Variants in CACNA2D1 observed in about 807,000 individuals in gnomAD.
CACNA2D1 encodes the protein voltage-dependent calcium channel subunit alpha-2/delta-1.
In CACNA2D1, 53 loss-of-function variants were observed where a neutral mutation model predicts 171.5. That is an observed-to-expected ratio of 0.31 (90% CI 0.25 to 0.39). The LOEUF is 0.39. Among genes scored for constraint, CACNA2D1 ranks in the 10% least tolerant of loss-of-function variants. The pLI, the probability that CACNA2D1 is intolerant of heterozygous loss-of-function variation, is 1.00. For missense variants in CACNA2D1, 903 were observed against 1,299.8 expected, an observed-to-expected ratio of 0.69 and a Z score of 4.69; for synonymous variants, 442 against 443.1, an observed-to-expected ratio of 1.00 and a Z score of 0.03.
intron 38 of CACNA2D1, among the ~76,000 whole-genome samples, chr7:81,956,131 T>C (rs982230626): frequency 6.6e-6 from 1 of 150,944 alleles, no homozygotes; most frequent in East Asian, 2.0e-4. Flanking sequence ...GGGACCACCA[T>C]GCCCAGCTAA....
intron 4 of CACNA2D1, among the ~76,000 whole-genome samples, chr7:82,168,387 AC>A (rs1476049837): frequency 6.6e-6 from 1 of 152,024 alleles, no homozygotes. Context: ...AAAGTAATCC[AC>A]CCACCTTGGC....
At chr7:82,148,505 T>A (rs1793414864) in intron 4 of CACNA2D1, among the ~76,000 whole-genome samples, 1 of 152,028 alleles carries the variant, frequency 6.6e-6, no homozygotes, top group Admixed American at 6.5e-5. Flanking sequence ...TTGGGAGAAA[T>A]TTGCCACATT....
At chr7:81,956,023 T>A (rs1005296958) in intron 38 of CACNA2D1, among the ~76,000 whole-genome samples, 7 of 140,828 alleles carry the variant, frequency 5.0e-5, no homozygotes, top group African/African-American at 1.8e-4. Flanking sequence ...AGTCTAGCTC[T>A]GTGATCTAGG....
chr7:82,293,665 A>T (rs1339229806), intron 3 of CACNA2D1, among the ~76,000 whole-genome samples: 1 of 152,222 alleles, frequency 6.6e-6, no homozygotes, highest in Admixed American at 6.5e-5. Flanking sequence ...ATGATGCCTC[A>T]TACATCTCTT....
chr7:82,231,413 T>TCA (rs534016052), intron 3 of CACNA2D1, among the ~76,000 whole-genome samples: 146 of 152,264 alleles, frequency 9.6e-4, no homozygotes, highest in South Asian at 3.9e-3. Flanking sequence ...CTCAGAACAT[T>TCA]CACATTTGCA....
chr7:81,951,970 T>TTTTTTTTTTTTTTGTTG (rs1554321657), intron 38 of CACNA2D1, among the ~76,000 whole-genome samples: 7 of 23,960 alleles, frequency 2.9e-4, no homozygotes, highest in Non-Finnish European at 5.4e-4. Flanking sequence ...GTACAAAGTG[T>TTTTTTTTTTTTTTGTTG]TTTTTTTTTT....
chr7:82,347,781 A>T (rs1819406514), intron 2 of CACNA2D1, among the ~76,000 whole-genome samples: 1 of 148,698 alleles, frequency 6.7e-6, no homozygotes. Context: ...TATGTATCCC[A>T]TAAACAGAAA....
chr7:82,110,031 T>C (rs1360015550), intron 6 of CACNA2D1, among the ~76,000 whole-genome samples: 1 of 152,198 alleles, frequency 6.6e-6, no homozygotes, highest in Non-Finnish European at 1.5e-5. Flanking sequence ...TTTTTTTGTA[T>C]AAATGTGTTA....
intron 3 of CACNA2D1, among the ~76,000 whole-genome samples, chr7:82,207,004 A>C (rs1800066301): frequency 1.3e-5 from 2 of 152,084 alleles, no homozygotes; most frequent in South Asian, 4.1e-4. Context: ...AATTGCAAAA[A>C]CTCCCTTTCC....
chr7:82,042,674 G>C (rs1024240619), intron 10 of CACNA2D1, among the ~76,000 whole-genome samples: 1 of 152,106 alleles, frequency 6.6e-6, no homozygotes, highest in Non-Finnish European at 1.5e-5. Flanking sequence ...TTCTACTCCA[G>C]CATTGGGGCA....
chr7:81,965,444 T>C (rs1794618296), intron 32 of CACNA2D1, 150 bp downstream of exon 32: 5 of 648,612 alleles, frequency 7.7e-6, no homozygotes, highest in South Asian at 1.7e-5. Context: ...CATTTCTTAA[T>C]GGTTTACATA....
intron 4 of CACNA2D1, among the ~76,000 whole-genome samples, chr7:82,165,234 G>C (rs1313092049): frequency 3.3e-5 from 5 of 151,942 alleles, no homozygotes; most frequent in Non-Finnish European, 7.4e-5. Context: ...TGAGAGGAGA[G>C]GGAAGGAAGA....
intron 6 of CACNA2D1, among the ~76,000 whole-genome samples, chr7:82,097,500 G>C (rs1812033207): frequency 6.6e-6 from 1 of 152,106 alleles, no homozygotes; most frequent in Admixed American, 6.6e-5. Context: ...AACAAATGTG[G>C]GAAAGGAGAA....
chr7:82,309,186 A>T (rs1814108787), intron 3 of CACNA2D1, among the ~76,000 whole-genome samples: 1 of 152,096 alleles, frequency 6.6e-6, no homozygotes, highest in Non-Finnish European at 1.5e-5. Context: ...CGGGTGGATC[A>T]CCTGAGGTCA....
intron 1 of CACNA2D1, among the ~76,000 whole-genome samples, chr7:82,433,243 G>C (rs1044501657): frequency 4.6e-5 from 7 of 151,936 alleles, no homozygotes; most frequent in African/African-American, 1.7e-4. Flanking sequence ...TCTTTAAGAT[G>C]ATAATCTCTC....
rs565121488 is a variant in CACNA2D1 at position 82,150,257 on chromosome 7, T to TAAAAAAAA, written c.355-13589_355-13582dup. ...CTAACTGCTTTGCTTTAGATCAAAT[T>TAAAAAAAA]AAAAAAAAAAAACAAAAACAACAAC... On this transcript the variant is annotated intron_variant, in intron 4 of 38. Transcript: ENST00000356860. Among the ~76,000 whole-genome samples, 84 of 92,856 alleles carry TAAAAAAAA rather than the reference T, an allele frequency of 9.0e-4. 6 individuals are homozygous for TAAAAAAAA. Among genetic ancestry groups the TAAAAAAAA allele is most frequent in the Non-Finnish European group, 1.1e-3 (48 of 43,672 alleles). 60.9% of individuals were successfully genotyped at this position (92,856 alleles called of 152,430 possible).
chr7:82,332,564 A>AAGAAAGAAAGAAAGAAAGAGAG (rs200114409), intron 3 of CACNA2D1, among the ~76,000 whole-genome samples: 16 of 144,246 alleles, frequency 1.1e-4, no homozygotes, highest in South Asian at 4.7e-4. Context: ...GAAAGAAAGA[A>AAGAAAGAAAGAAAGAAAGAGAG]AGAACGAACA....
intron 3 of CACNA2D1, among the ~76,000 whole-genome samples, chr7:82,290,390 A>T (rs1334895743): frequency 6.6e-6 from 1 of 152,170 alleles, no homozygotes; most frequent in Non-Finnish European, 1.5e-5. Context: ...AGTTGAAATA[A>T]GCACAAACCT....
Position 82,302,601 on chromosome 7 carries a change from T to C in CACNA2D1, c.294+32534A>G, listed in dbSNP as rs570201182. Among the ~76,000 whole-genome samples the C allele has an allele frequency of 4.6e-5, 7 of 152,018 alleles. No individual in the cohort carries two copies. In the East Asian group the frequency reaches 1.4e-3, roughly 29 times the overall value. On this transcript the variant is annotated intron_variant, in intron 3 of 38. Coordinates refer to ENST00000356860, the MANE Select transcript of CACNA2D1 (RefSeq NM_000722.4). ...GGTAATTTTGTATTTTTAGTAGAGA[T>C]AGGGTTCCTCCATGTTGGTCAGGCT...
Sources: allele counts gnomAD v4.1 joint callset (sites outside exome capture counted in the v4.1 genomes callset), GRCh38; gene constraint gnomAD v4.1.1; transcripts MANE v1.5; gene names NCBI Gene and HGNC (gene_info 2026-07-23, HGNC 2026-07-21).